Variants in FAM184A observed in about 807,000 individuals in gnomAD.
FAM184A encodes protein FAM184A.
A neutral mutation model predicts 143.8 loss-of-function variants in FAM184A; 99 were observed. That is an observed-to-expected ratio of 0.69 (90% confidence interval 0.58 to 0.81). The LOEUF is 0.81. Ranked by LOEUF, FAM184A falls within the 40% of genes least tolerant of loss-of-function variation. FAM184A has a pLI of 0.00. For missense variants in FAM184A, 1,217 were observed against 1,310.5 expected (o/e 0.93, Z 1.10); for synonymous variants, 427 against 446.4 (o/e 0.96, Z 0.55).
At chr6:119,046,166 A>G (rs1786524401) in intron 1 of FAM184A, among the ~76,000 whole-genome samples, 1 of 152,002 alleles carries the variant, frequency 6.6e-6, no homozygotes, top group African/African-American at 2.4e-5. Context: ...TTAAAATCAC[A>G]CCAAGTATTT....
At chr6:119,007,971 T>C (rs1042289065) in intron 6 of FAM184A, among the ~76,000 whole-genome samples, 4 of 150,094 alleles carry the variant, frequency 2.7e-5, no homozygotes, top group Admixed American at 2.0e-4. Context: ...CTAGTAACAA[T>C]GTAAAGAATT....
At chr6:119,043,818 C>A (rs1027118435) in intron 1 of FAM184A, among the ~76,000 whole-genome samples, 2 of 152,192 alleles carry the variant, frequency 1.3e-5, no homozygotes, top group African/African-American at 4.8e-5. Flanking sequence ...AATAAAGGAA[C>A]ACAGGTATGC....
intron 11 of FAM184A, among the ~76,000 whole-genome samples, chr6:118,976,934 T>C (rs780140727): frequency 2.6e-5 from 4 of 152,172 alleles, no homozygotes; most frequent in Non-Finnish European, 5.9e-5. Context: ...AAAATTTATA[T>C]GATGCTAGTA....
At chr6:119,102,420 A>T (rs910684922) in intron 1 of FAM184A, among the ~76,000 whole-genome samples, 1 of 152,144 alleles carries the variant, frequency 6.6e-6, no homozygotes, top group East Asian at 1.9e-4. Context: ...AGGCAATAGG[A>T]ATCATAGTAA....
intron 1 of FAM184A, among the ~76,000 whole-genome samples, chr6:119,045,787 T>C (rs1786507953): frequency 1.3e-5 from 2 of 151,808 alleles, no homozygotes; most frequent in African/African-American, 4.9e-5. Flanking sequence ...TTAAATACAA[T>C]AAAGCCAATT....
intron 1 of FAM184A, among the ~76,000 whole-genome samples, chr6:119,089,566 G>A (rs1346438092): frequency 2.0e-5 from 3 of 152,048 alleles, no homozygotes; most frequent in Admixed American, 1.3e-4. Flanking sequence ...ACCTCCCAAA[G>A]CACTGGGATT....
rs1785502563 is a variant in FAM184A at position 119,023,022 on chromosome 6, T to C, written c.1073A>G (p.His358Arg). The change falls in exon 3 of 18, where the codon CAC (histidine) becomes CGC (arginine). Residue 358 changes from histidine to arginine, a missense_variant. Coordinates refer to ENST00000338891, the MANE Select transcript of FAM184A (RefSeq NM_024581.6). ...KEGEMALLSK[H>R]KEVESELAAA... ...TGCTAGCTCACTTTCCACTTCTTTG[T>C]GCTTGCTTAATAGGGCCATTTCTCC... 4 of 1,614,214 alleles carry C rather than the reference T, an allele frequency of 2.5e-6. No homozygotes were observed. Among genetic ancestry groups the C allele is most frequent in the Non-Finnish European group, 3.4e-6 (4 of 1,180,028 alleles).
intron 1 of FAM184A, among the ~76,000 whole-genome samples, chr6:119,111,029 T>G (rs1293260888): frequency 3.3e-5 from 5 of 152,216 alleles, no homozygotes; most frequent in Non-Finnish European, 7.3e-5. Context: ...TCGTCATTGC[T>G]GCAGCCTTAT....
intron 9 of FAM184A, among the ~76,000 whole-genome samples, chr6:118,987,769 AAT>A (rs1784238511): frequency 6.6e-6 from 1 of 152,222 alleles, no homozygotes; most frequent in African/African-American, 2.4e-5. Context: ...TCAACTAGTT[AAT>A]AGTTTTTCAA....
chr6:119,016,348 G>C (rs1785253286), intron 5 of FAM184A, among the ~76,000 whole-genome samples: 1 of 152,052 alleles, frequency 6.6e-6, no homozygotes, highest in Non-Finnish European at 1.5e-5. Context: ...TCTTGCTACT[G>C]CTCACTCTTT....
At chr6:119,052,746 C>G (rs186603284) in intron 1 of FAM184A, among the ~76,000 whole-genome samples, 122 of 152,290 alleles carry the variant, frequency 8.0e-4, no homozygotes, top group African/African-American at 2.6e-3. Context: ...GGAAGCAGCA[C>G]TAGCTGAAAG....
intron 1 of FAM184A, among the ~76,000 whole-genome samples, chr6:119,027,441 C>T (rs1785674475): frequency 6.6e-6 from 1 of 152,158 alleles, no homozygotes; most frequent in Non-Finnish European, 1.5e-5. Flanking sequence ...TGACATAGAG[C>T]TCCTAAGACT....
intron 1 of FAM184A, among the ~76,000 whole-genome samples, chr6:119,065,713 TCTC>T (rs1254814643): frequency 3.3e-5 from 5 of 152,140 alleles, no homozygotes; most frequent in African/African-American, 4.8e-5. Flanking sequence ...GTTTCTCAAA[TCTC>T]CTCCTCAGAT....
intron 1 of FAM184A, among the ~76,000 whole-genome samples, chr6:119,145,245 CT>C (rs1254045117): frequency 6.6e-6 from 1 of 152,200 alleles, no homozygotes; most frequent in African/African-American, 2.4e-5. Context: ...GGCCACCTCT[CT>C]CCCCAGGTTG....
intron 9 of FAM184A, among the ~76,000 whole-genome samples, chr6:118,995,786 T>G (rs1043555880): frequency 1.3e-5 from 2 of 152,222 alleles, no homozygotes; most frequent in Non-Finnish European, 2.9e-5. Flanking sequence ...ATTTTAATTA[T>G]TTTTAGTATC....
chr6:119,099,533 A>G (rs1400113481), intron 1 of FAM184A, among the ~76,000 whole-genome samples: 1 of 152,118 alleles, frequency 6.6e-6, no homozygotes, highest in East Asian at 1.9e-4. Context: ...CCTGCTCCGT[A>G]TCCTGGAAGA....
At chr6:119,043,559 C>T (rs906487976) in intron 1 of FAM184A, among the ~76,000 whole-genome samples, 2 of 151,292 alleles carry the variant, frequency 1.3e-5, no homozygotes, top group African/African-American at 4.9e-5. Context: ...CTACCCAGAT[C>T]CTTCTCATCT....
At chr6:119,109,797 G>A (rs1395282317) in intron 1 of FAM184A, among the ~76,000 whole-genome samples, 2 of 151,956 alleles carry the variant, frequency 1.3e-5, no homozygotes, top group Admixed American at 6.6e-5. Context: ...ACTCCTAAAT[G>A]CCATTCCTTT....
At chr6:118,970,008 A>ATATATATTTT in intron 14 of FAM184A, among the ~76,000 whole-genome samples, 2 of 19,050 alleles carry the variant, frequency 1.0e-4, no homozygotes, top group Non-Finnish European at 2.3e-4. Context: ...ATATATATAT[A>ATATATATTTT]TTTTTTTTTT....
Sources: allele counts gnomAD v4.1 joint callset (sites outside exome capture counted in the v4.1 genomes callset), GRCh38; gene constraint gnomAD v4.1.1; transcripts MANE v1.5; gene names NCBI Gene and HGNC (gene_info 2026-07-23, HGNC 2026-07-21).